The following LANCL1 variants were observed in gnomAD, a reference collection of about 807,000 sequenced individuals.
The protein encoded by LANCL1 is LanC like glutathione S-transferase 1.
A neutral mutation model predicts 50.6 loss-of-function variants in LANCL1; 50 were observed. The ratio of observed to expected loss-of-function variants is 0.99; its 90% CI spans 0.79 to 1.25. The LOEUF (loss-of-function observed/expected upper bound fraction) is 1.25. Ranked by LOEUF, LANCL1 falls within the 50% of genes most tolerant of loss-of-function variation. LANCL1 has a pLI of 0.00. For missense variants in LANCL1, 532 were observed against 480.7 expected (o/e 1.11, Z -1.00); for synonymous variants, 188 against 178.6 (o/e 1.05, Z -0.42).
At chr2:210,441,953 G>A (rs566506482) in intron 4 of LANCL1, among the ~76,000 whole-genome samples, 102 of 151,314 alleles carry the variant, frequency 6.7e-4, no homozygotes, top group African/African-American at 2.3e-3. Flanking sequence ...TGCCCAGGCT[G>A]GAGTGCAATG....
rs773392200 is a variant in LANCL1, at chr2:210,434,441, A to G, written c.*46T>C. 5 of 1,475,232 alleles carry G rather than the reference A, an allele frequency of 3.4e-6. No homozygotes were observed. The African/African-American group carries it at 6.9e-5, about 20-fold the overall frequency. 91.4% of individuals were successfully genotyped at this position (1,475,232 alleles called of 1,614,324 possible). On this transcript the variant is annotated 3_prime_UTR_variant, in exon 10 of 10. Coordinates refer to ENST00000450366, the MANE Select transcript of LANCL1 (RefSeq NM_006055.3). ...GGAAGCACTTAGCTTGGGTTTGAAT[A>G]TACAGAAAGGGTCATGCAGTGAGTT...
At position 210,476,744 on chromosome 2, in the gene LANCL1, G is replaced by T; in HGVS notation, c.-141C>A. The T allele has an allele frequency of 9.4e-7, 1 of 1,064,724 alleles. No homozygotes were observed. Among genetic ancestry groups the T allele is most frequent in the Non-Finnish European group, 1.1e-6 (1 of 879,018 alleles). 66.0% of individuals were successfully genotyped at this position (1,064,724 alleles called of 1,614,324 possible). ...CACCCCGCAGCCCCGGACAGTAACA[G>T]AAGGGCTATTTTACCGCCCAGTTCC... On this transcript the variant is annotated 5_prime_UTR_variant, in exon 1 of 10. In the 5' UTR this introduces an upstream ATG that the reference lacks. Coordinates refer to ENST00000450366, the MANE Select transcript of LANCL1 (RefSeq NM_006055.3).
At position 210,437,752 on chromosome 2, in the gene LANCL1, G is replaced by A. The variant is rs1467966982; in HGVS notation, c.811C>T (p.Leu271=). 49 of 1,612,500 alleles carry A rather than the reference G, an allele frequency of 3.0e-5. No homozygotes were observed. The highest frequency in any genetic ancestry group is 4.2e-5 in the Non-Finnish European group (49 of 1,179,326). ...GCGCCATGGCACCAATGGACAAGCA[G>A]ATCTCGATTATCACCTATACATGGA... is the stretch of plus-strand genomic sequence containing the variant. The part of the protein sequence containing the change: ...YPPCIGDNRD[L]LVHWCHGAPG... The change falls in exon 7 of 10, where the codon CTG becomes TTG. Residue 271 remains leucine, a synonymous_variant. Coordinates refer to ENST00000450366, the MANE Select transcript of LANCL1 (RefSeq NM_006055.3).
chr2:210,440,498 G>T, intron 6 of LANCL1, 100 bp downstream of exon 6: 2 of 1,161,850 alleles, frequency 1.7e-6, no homozygotes, highest in East Asian at 2.5e-5. Context: ...TGCAGTGGTT[G>T]ACAGAATGAC....
chr2:210,450,730 A>T (rs1488274454), intron 4 of LANCL1, among the ~76,000 whole-genome samples: 1 of 152,236 alleles, frequency 6.6e-6, no homozygotes, highest in Non-Finnish European at 1.5e-5. Flanking sequence ...TATGAAAAAA[A>T]GCTCATCATC....
intron 3 of LANCL1, among the ~76,000 whole-genome samples, chr2:210,459,556 T>C (rs998184903): frequency 6.6e-6 from 1 of 152,136 alleles, no homozygotes; most frequent in African/African-American, 2.4e-5. Context: ...AATAGCCACA[T>C]GTGGCTAGTG....
upstream of LANCL1, chr2:210,477,360 C>A: frequency 7.2e-6 from 2 of 278,478 alleles, no homozygotes; most frequent in Non-Finnish European, 1.1e-5. Flanking sequence ...TGAAAACCAA[C>A]ACAGCAGGAG....
chr2:210,471,848 T>C (rs1052307277), intron 3 of LANCL1, 111 bp downstream of exon 3: 5 of 803,616 alleles, frequency 6.2e-6, no homozygotes, highest in Non-Finnish European at 1.1e-5. Flanking sequence ...ATTACTCATA[T>C]GCAGATGCAG....
At chr2:210,445,812 G>A (rs920205167) in intron 4 of LANCL1, among the ~76,000 whole-genome samples, 6 of 152,286 alleles carry the variant, frequency 3.9e-5, no homozygotes, top group Admixed American at 3.3e-4. Flanking sequence ...CACACAAACA[G>A]GATAGTTCTG....
chr2:210,474,216 G>C (rs1322162665), intron 2 of LANCL1, among the ~76,000 whole-genome samples: 1 of 152,066 alleles, frequency 6.6e-6, no homozygotes, highest in Non-Finnish European at 1.5e-5. Flanking sequence ...CCAGAAAACA[G>C]ACCAGTTCCT....
At chr2:210,449,695 C>T (rs916310967) in intron 4 of LANCL1, among the ~76,000 whole-genome samples, 7 of 152,134 alleles carry the variant, frequency 4.6e-5, no homozygotes, top group South Asian at 2.1e-4. Flanking sequence ...CATTCCTATA[C>T]GCTAATAATA....
upstream of LANCL1, chr2:210,477,318 A>G (rs906323298): frequency 5.7e-6 from 1 of 175,998 alleles, no homozygotes; most frequent in Non-Finnish European, 1.1e-5. Flanking sequence ...AAATTGGACT[A>G]TAATACTGGA....
chr2:210,447,316 G>A (rs1336532178), intron 4 of LANCL1, among the ~76,000 whole-genome samples: 2 of 152,180 alleles, frequency 1.3e-5, no homozygotes, highest in African/African-American at 4.8e-5. Context: ...GAGAGATTTT[G>A]TCATCACCAG....
At chr2:210,471,872 G>T in intron 3 of LANCL1, 87 bp downstream of exon 3, 1 of 927,656 alleles carries the variant, frequency 1.1e-6, no homozygotes, top group East Asian at 2.4e-5. Flanking sequence ...GCATTTAAGG[G>T]TGTACCATTC....
chr2:210,468,889 TCTG>T (rs1363074606), intron 3 of LANCL1: 6 of 152,222 alleles, frequency 3.9e-5, no homozygotes, highest in African/African-American at 1.4e-4. Context: ...CCACTATACT[TCTG>T]TTTTCTTTTT....
At chr2:210,440,069 C>G (rs1293105534) in intron 6 of LANCL1, among the ~76,000 whole-genome samples, 1 of 152,092 alleles carries the variant, frequency 6.6e-6, no homozygotes, top group Non-Finnish European at 1.5e-5. Flanking sequence ...TGATGTGCCC[C>G]AATAGTATTA....
chr2:210,448,373 G>A (rs897900445), intron 4 of LANCL1, among the ~76,000 whole-genome samples: 2 of 152,154 alleles, frequency 1.3e-5, no homozygotes, highest in Non-Finnish European at 2.9e-5. Flanking sequence ...GAAATTTATA[G>A]CACTAAATGC....
intron 4 of LANCL1, among the ~76,000 whole-genome samples, chr2:210,451,306 C>T (rs887073239): frequency 6.6e-6 from 1 of 151,790 alleles, no homozygotes; most frequent in East Asian, 1.9e-4. Context: ...GGGAACATCA[C>T]ACACCGGGGC....
At chr2:210,455,796 T>G (rs1478957263) in intron 3 of LANCL1, among the ~76,000 whole-genome samples, 9 of 150,946 alleles carry the variant, frequency 6.0e-5, no homozygotes, top group East Asian at 3.9e-4. Context: ...AAAGTTTGTT[T>G]TGTGTGTGTG....
Sources: allele counts gnomAD v4.1 joint callset (sites outside exome capture counted in the v4.1 genomes callset), GRCh38; gene constraint gnomAD v4.1.1; transcripts MANE v1.5; gene names NCBI Gene and HGNC (gene_info 2026-07-23, HGNC 2026-07-21).